NFIX: variants seen among roughly 807,000 people sequenced by gnomAD.
The protein encoded by NFIX is nuclear factor I X.
Under a neutral mutation model 53.3 loss-of-function variants are expected in NFIX, and 2 were observed. That is an observed-to-expected ratio of 0.04 (90% CI 0.02 to 0.12). The LOEUF is 0.12. Among genes scored for constraint, NFIX ranks in the 10% least tolerant of loss-of-function variants. The pLI, the probability that NFIX is intolerant of heterozygous loss-of-function variation, is 1.00. For missense variants in NFIX, 310 were observed against 674.5 expected (o/e 0.46, Z 5.99); for synonymous variants, 244 against 289.0 (o/e 0.84, Z 1.58).
Position 13,094,946 on chromosome 19 carries a change from A to C in NFIX, c.*297A>C. The C allele has an allele frequency of 2.5e-6, 1 of 393,510 alleles. No homozygotes were observed. Among genetic ancestry groups the C allele is most frequent in the Non-Finnish European group, 4.7e-6 (1 of 214,992 alleles). The allele number at this position is 393,510 out of a possible 1,614,324, so 24.4% of individuals were successfully genotyped here. On this transcript the variant is annotated 3_prime_UTR_variant, in exon 11 of 11. Coordinates refer to ENST00000592199, the MANE Select transcript of NFIX (RefSeq NM_001365902.3). This position sits in a 1 kb window ranked among gnomAD's most constrained non-coding sequence, Gnocchi z 4.3. Reference sequence around the variant, plus strand: ...GTCAAGTAGAGGACAGAAAGCAAGAAAGGATGCAGAACTGCCTTCCTCCCC... The same window carrying C: ...GTCAAGTAGAGGACAGAAAGCAAGACAGGATGCAGAACTGCCTTCCTCCCC...
Position 13,049,114 on chromosome 19 carries a change from G to A in NFIX, c.559+23562G>A, listed in dbSNP as rs1212763852. Among the ~76,000 whole-genome samples, 19 of 151,426 alleles carry A rather than the reference G, an allele frequency of 1.3e-4. No individual in the cohort carries two copies. The highest frequency in any genetic ancestry group is 1.3e-3 in the Admixed American group (19 of 15,186). ...ACAAAACAAAAATTAGCCATGCACG[G>A]TGGTGGCGTGCATTTGTAATCCTAG... On this transcript the variant is annotated intron_variant, in intron 2 of 10. Transcript: ENST00000592199. The surrounding 1 kb of genome is among the most constrained non-coding windows in gnomAD (Gnocchi z 4.5).
At chr19:13,048,263 T>G (rs1332763555) in intron 2 of NFIX, among the ~76,000 whole-genome samples, 1 of 152,186 alleles carries the variant, frequency 6.6e-6, no homozygotes, top group Non-Finnish European at 1.5e-5. Context: ...GCAGATGCCT[T>G]GTGGACAGCT....
rs1414434959 is a variant in NFIX at position 13,088,700 on chromosome 19, CGTT to C, written c.1402+568_1402+570del. Among the ~76,000 whole-genome samples, 1 of 151,770 alleles carries C rather than the reference CGTT, an allele frequency of 6.6e-6. No individual in the cohort carries two copies. Among genetic ancestry groups the C allele is most frequent in the Admixed American group, 6.6e-5 (1 of 15,232 alleles). On this transcript the variant is annotated intron_variant, in intron 9 of 10. Coordinates refer to ENST00000592199, the MANE Select transcript of NFIX (RefSeq NM_001365902.3). The surrounding 1 kb of genome is among the most constrained non-coding windows in gnomAD (Gnocchi z 5.9). ...CCCCTCAGTCTCACATTTGGTTTCT[CGTT>C]GTTCCTCTTTTTTTTTCCCCCCCTT...
chr19:13,064,304 G>A (rs1053654964), intron 2 of NFIX, among the ~76,000 whole-genome samples: 6 of 152,334 alleles, frequency 3.9e-5, no homozygotes, highest in African/African-American at 1.2e-4. Context: ...CAGGAGAGGC[G>A]CCTGGCCTGG....
At chr19:13,033,595 C>T (rs546225788) in intron 2 of NFIX, among the ~76,000 whole-genome samples, 2 of 152,368 alleles carry the variant, frequency 1.3e-5, no homozygotes, top group East Asian at 3.9e-4. Flanking sequence ...CTAACAACTT[C>T]TTGTCCCCTG....
chr19:13,026,498 C>T (rs2145198017), intron 2 of NFIX, among the ~76,000 whole-genome samples: 1 of 152,190 alleles, frequency 6.6e-6, no homozygotes, highest in African/African-American at 2.4e-5. Flanking sequence ...AGTTCTCCTC[C>T]TCTGTTCCTT....
At position 13,095,448 on chromosome 19, in the gene NFIX, C is replaced by G. The variant is rs1218860964; in HGVS notation, c.*799C>G. On this transcript the variant is annotated 3_prime_UTR_variant, in exon 11 of 11. Coordinates refer to ENST00000592199, the MANE Select transcript of NFIX (RefSeq NM_001365902.3). Reference sequence around the variant, plus strand: ...TAGGAAAAAGTCGGAATGCTCTCGACGGCCTCGTCCCAGCCTGGGACAGGC... The same window carrying G: ...TAGGAAAAAGTCGGAATGCTCTCGAGGGCCTCGTCCCAGCCTGGGACAGGC... 6.6e-6 allele frequency: 1 copy of G among 152,314 alleles called. No individual in the cohort carries two copies. Among genetic ancestry groups the G allele is most frequent in the Non-Finnish European group, 1.5e-5 (1 of 68,100 alleles). 9.4% of individuals were successfully genotyped at this position (152,314 alleles called of 1,614,324 possible).
rs2011953256 is a variant in NFIX at position 13,005,251 on chromosome 19, A to G, written c.27+9387A>G. 6.6e-6 allele frequency among the ~76,000 whole-genome samples: 1 copy of G among 152,260 alleles called. No individual in the cohort carries two copies. Among genetic ancestry groups the G allele is most frequent in the Admixed American group, 6.5e-5 (1 of 15,290 alleles). ...GAATGGTAGAAGAAGATAGGATAAT[A>G]GCAAAATAAATGTTTGTCCTAAAAA... On this transcript the variant is annotated intron_variant, in intron 1 of 10. Coordinates refer to ENST00000592199, the MANE Select transcript of NFIX (RefSeq NM_001365902.3). The surrounding 1 kb of genome is among the most constrained non-coding windows in gnomAD (Gnocchi z 4.7).
rs1031042402 is a variant in NFIX, at chr19:13,028,511, C to T, written c.559+2959C>T. Among the ~76,000 whole-genome samples, 2 of 152,066 alleles carry T rather than the reference C, an allele frequency of 1.3e-5. No individual in the cohort carries two copies. Among genetic ancestry groups the T allele is most frequent in the Non-Finnish European group, 1.5e-5 (1 of 68,010 alleles). On this transcript the variant is annotated intron_variant, in intron 2 of 10. Transcript: ENST00000592199. The surrounding 1 kb of genome is among the most constrained non-coding windows in gnomAD (Gnocchi z 4.2). ...ATGAAGCTTCAAGAGATGACATGTT[C>T]GAGAGGGAATAAAGGACGTGTGTTT...
rs570950623 is a variant in NFIX, at chr19:13,049,038, C to T, written c.559+23486C>T. The stretch of plus-strand genomic sequence containing the variant: ...GTTGCAGTGAGACAAGATCGCGTCA[C>T]TGTACCCCAGCCTGGGCGACAGAGC... On this transcript the variant is annotated intron_variant, in intron 2 of 10. Coordinates refer to ENST00000592199, the MANE Select transcript of NFIX (RefSeq NM_001365902.3). This position sits in a 1 kb window ranked among gnomAD's most constrained non-coding sequence, Gnocchi z 4.5. Among the ~76,000 whole-genome samples the T allele has an allele frequency of 1.3e-5, 2 of 152,140 alleles. No individual in the cohort carries two copies. The highest frequency in any genetic ancestry group is 2.9e-5 in the Non-Finnish European group (2 of 68,000).
In NFIX at chr19:13,036,650, G is replaced by A. The variant is rs527706867; in HGVS notation, c.559+11098G>A. The stretch of plus-strand genomic sequence containing the variant: ...GCCTGCAGATTATATCCCCATTAGC[G>A]CATAATTATTATATAATGGGCGTTA... On this transcript the variant is annotated intron_variant, in intron 2 of 10. Coordinates refer to ENST00000592199, the MANE Select transcript of NFIX (RefSeq NM_001365902.3). The surrounding 1 kb of genome is among the most constrained non-coding windows in gnomAD (Gnocchi z 4.7). Among the ~76,000 whole-genome samples the A allele has an allele frequency of 9.2e-5, 14 of 152,236 alleles. No homozygotes were observed. The East Asian group carries it at 1.5e-3, about 17-fold the overall frequency.
At position 13,068,366 on chromosome 19, in the gene NFIX, G is replaced by T. The variant is rs764803221; in HGVS notation, c.560-4681G>T. On this transcript the variant is annotated intron_variant, in intron 2 of 10. Transcript: ENST00000592199. The surrounding 1 kb of genome is among the most constrained non-coding windows in gnomAD (Gnocchi z 4.2). ...ACAGGGAAGTAAGATCAGAAATGGG[G>T]ATCCAAGGGGAAAGGCAGCTGAATA... Among the ~76,000 whole-genome samples, 10 of 152,208 alleles carry T rather than the reference G, an allele frequency of 6.6e-5. No homozygotes were observed. The highest frequency in any genetic ancestry group is 1.3e-4 in the Admixed American group (2 of 15,282).
chr19:13,007,942 G>A (rs2012119048), intron 1 of NFIX, among the ~76,000 whole-genome samples: 1 of 152,170 alleles, frequency 6.6e-6, no homozygotes, highest in African/African-American at 2.4e-5. Context: ...GACACACAGA[G>A]CAGACACACA....
At position 13,043,098 on chromosome 19, in the gene NFIX, T is replaced by C. The variant is rs2014750258; in HGVS notation, c.559+17546T>C. ...CAAGTCAAGTCTCCCATCCCTGTCATAGGTGTATGTCCCGTTCCTGTATTT... is the reference window on the plus strand; with the variant it reads ...CAAGTCAAGTCTCCCATCCCTGTCACAGGTGTATGTCCCGTTCCTGTATTT... On this transcript the variant is annotated intron_variant, in intron 2 of 10. Transcript: ENST00000592199. This position sits in a 1 kb window ranked among gnomAD's most constrained non-coding sequence, Gnocchi z 4.0. Among the ~76,000 whole-genome samples, 1 of 152,224 alleles carries C rather than the reference T, an allele frequency of 6.6e-6. No individual in the cohort carries two copies. Among genetic ancestry groups the C allele is most frequent in the Admixed American group, 6.5e-5 (1 of 15,282 alleles).
rs888222289 is a variant in NFIX, at chr19:13,051,597, G to A, written c.560-21450G>A. 1.3e-5 allele frequency among the ~76,000 whole-genome samples: 2 copies of A among 152,176 alleles called. No homozygotes were observed. Among genetic ancestry groups the A allele is most frequent in the African/African-American group, 2.4e-5 (1 of 41,420 alleles). Reference sequence around the variant, plus strand: ...AAGCCTCAAGTCAGGCAGGTTCGGGGAGGAGACAGCCTCTCAGGCGAGTGA... The same window carrying A: ...AAGCCTCAAGTCAGGCAGGTTCGGGAAGGAGACAGCCTCTCAGGCGAGTGA... On this transcript the variant is annotated intron_variant, in intron 2 of 10. Transcript: ENST00000592199. The surrounding 1 kb of genome is among the most constrained non-coding windows in gnomAD (Gnocchi z 5.1).
intron 2 of NFIX, chr19:13,071,181 G>A (rs959692745): frequency 6.6e-6 from 1 of 152,254 alleles, no homozygotes; most frequent in Non-Finnish European, 1.5e-5. Flanking sequence ...CTGCACATGG[G>A]TCCTGAGGTT....
Position 13,021,411 on chromosome 19 carries a change from A to G in NFIX, c.28-3610A>G, listed in dbSNP as rs1016914043. 6.6e-5 allele frequency among the ~76,000 whole-genome samples: 10 copies of G among 152,136 alleles called. No homozygotes were observed. The highest frequency in any genetic ancestry group is 2.2e-4 in the African/African-American group (9 of 41,438). On this transcript the variant is annotated intron_variant, in intron 1 of 10. Transcript: ENST00000592199. This position sits in a 1 kb window ranked among gnomAD's most constrained non-coding sequence, Gnocchi z 4.2. ...TCTCCCATTGTCAGGGTTCAGCGCCAGCCCAGGGCTGGATGTTTTATTTTG... is the reference window on the plus strand; with the variant it reads ...TCTCCCATTGTCAGGGTTCAGCGCCGGCCCAGGGCTGGATGTTTTATTTTG...
In NFIX at chr19:13,090,515, G is replaced by T; in HGVS notation, c.1494+125G>T. On this transcript the variant is annotated intron_variant, in intron 10 of 10. Transcript: ENST00000592199. This position sits in a 1 kb window ranked among gnomAD's most constrained non-coding sequence, Gnocchi z 6.6. ...AACAGGGAGAGAGAGGTCTGAGGTGGGGCTGGAGGGCCCAGGCTTTTGCAC... is the reference window on the plus strand; with the variant it reads ...AACAGGGAGAGAGAGGTCTGAGGTGTGGCTGGAGGGCCCAGGCTTTTGCAC... 1.1e-6 allele frequency: 1 copy of T among 921,638 alleles called. No homozygotes were observed. Among genetic ancestry groups the T allele is most frequent in the Non-Finnish European group, 1.7e-6 (1 of 574,682 alleles). The allele number at this position is 921,638 out of a possible 1,614,324, so 57.1% of individuals were successfully genotyped here. A position where few individuals can be genotyped will look rare whatever the true frequency, so the allele number is the denominator to read the frequency against.
Position 12,998,005 on chromosome 19 carries a change from G to A in NFIX, c.27+2141G>A, listed in dbSNP as rs909981975. On this transcript the variant is annotated intron_variant, in intron 1 of 10. Transcript: ENST00000592199. This position sits in a 1 kb window ranked among gnomAD's most constrained non-coding sequence, Gnocchi z 4.4. ...CAGCTCTGGGCAGGTGGCTGCTGTC[G>A]GCTGGTCAGTGGGGTCTGGCCTGCC... Among the ~76,000 whole-genome samples the A allele has an allele frequency of 2.8e-4, 42 of 152,310 alleles. No individual in the cohort carries two copies. The highest frequency in any genetic ancestry group is 9.6e-4 in the African/African-American group (40 of 41,572).
Sources: gnomAD v4.1 joint callset for allele counts (sites outside exome capture counted in the v4.1 genomes callset) on GRCh38, gnomAD v4.1.1 for gene constraint, Gnocchi (gnomAD v3.1) non-coding constraint, MANE v1.5 for transcripts, NCBI Gene and HGNC (gene_info 2026-07-23, HGNC 2026-07-21) for gene names.